The following CDH22 variants were observed in gnomAD, a reference collection of about 807,000 sequenced individuals.
The protein encoded by CDH22 is cadherin-22.
A neutral mutation model predicts 58.4 loss-of-function variants in CDH22; 30 were observed. That is an observed-to-expected ratio of 0.51 (90% CI 0.38 to 0.70). The LOEUF (loss-of-function observed/expected upper bound fraction) is 0.70. Ranked by LOEUF, CDH22 falls within the 30% of genes least tolerant of loss-of-function variation. The probability of loss-of-function intolerance (pLI) is 0.00; values close to 1 mark genes in which losing one functional copy is unlikely to be tolerated. For synonymous variants in CDH22, 513 were observed against 558.2 expected (o/e 0.92, Z 1.14); for missense variants, 1,014 against 1,233.9 (o/e 0.82, Z 2.67).
intron 1 of CDH22, among the ~76,000 whole-genome samples, chr20:46,268,032 C>G (rs1600722146): frequency 6.6e-6 from 1 of 152,270 alleles, no homozygotes; most frequent in East Asian, 1.9e-4. Context: ...GGGGCCAGGC[C>G]TTTGAATCCA....
intron 1 of CDH22, among the ~76,000 whole-genome samples, chr20:46,265,305 T>C (rs1238468133): frequency 6.6e-6 from 1 of 152,140 alleles, no homozygotes; most frequent in Admixed American, 6.5e-5. Flanking sequence ...CTTGCTCTTT[T>C]CCCCTCTTCC....
chr20:46,198,028 T>G (rs564143461), intron 8 of CDH22, among the ~76,000 whole-genome samples: 135 of 152,220 alleles, frequency 8.9e-4, no homozygotes, highest in African/African-American at 3.1e-3. Context: ...ATATTCCTGT[T>G]GTCATGATTG....
At chr20:46,229,261 C>G (rs2086202015) in intron 3 of CDH22, among the ~76,000 whole-genome samples, 1 of 151,454 alleles carries the variant, frequency 6.6e-6, no homozygotes, top group African/African-American at 2.4e-5. Flanking sequence ...CATCTCTAAT[C>G]CTCATAGCAT....
rs138785144 is a variant in CDH22 at position 46,190,964 on chromosome 20, G to A, written c.1424-4017C>T. ...AGTTTCTTCTGTATAATGGACAGGGGATTGGACTGGACAATCTGGAACTGA... is the reference window on the plus strand; with the variant it reads ...AGTTTCTTCTGTATAATGGACAGGGAATTGGACTGGACAATCTGGAACTGA... On this transcript the variant is annotated intron_variant, in intron 8 of 11. Transcript: ENST00000537909. Among the ~76,000 whole-genome samples the A allele has an allele frequency of 2.6e-4, 40 of 152,306 alleles. 1 individual carries two copies. The East Asian group carries it at 7.3e-3, about 28-fold the overall frequency.
intron 1 of CDH22, among the ~76,000 whole-genome samples, chr20:46,305,213 T>A (rs2086669392): frequency 6.6e-6 from 1 of 152,250 alleles, no homozygotes; most frequent in Non-Finnish European, 1.5e-5. Context: ...GACAGTCCTA[T>A]CATGCCCACT....
At chr20:46,304,956 A>T (rs2086667765) in intron 1 of CDH22, among the ~76,000 whole-genome samples, 1 of 152,160 alleles carries the variant, frequency 6.6e-6, no homozygotes, top group South Asian at 2.1e-4. Flanking sequence ...CCTGACTTGG[A>T]GAGTGGAGCT....
chr20:46,184,552 T>A (rs1179867957), intron 10 of CDH22, among the ~76,000 whole-genome samples: 2 of 152,192 alleles, frequency 1.3e-5, no homozygotes, highest in Non-Finnish European at 2.9e-5. Context: ...CCCAACATAC[T>A]TTTTTATTTG....
chr20:46,218,709 A>T (rs962456264), intron 4 of CDH22, among the ~76,000 whole-genome samples: 1 of 152,142 alleles, frequency 6.6e-6, no homozygotes, highest in African/African-American at 2.4e-5. Context: ...CACGGAGCAG[A>T]CAGTCCTCCA....
At chr20:46,234,011 T>C (rs1028010712) in intron 3 of CDH22, among the ~76,000 whole-genome samples, 4 of 152,222 alleles carry the variant, frequency 2.6e-5, no homozygotes, top group Non-Finnish European at 5.9e-5. Flanking sequence ...AGCCTGCTGC[T>C]GCCCTCTCCA....
chr20:46,284,794 C>T (rs921605868), intron 1 of CDH22, among the ~76,000 whole-genome samples: 1 of 152,156 alleles, frequency 6.6e-6, no homozygotes, highest in Non-Finnish European at 1.5e-5. Flanking sequence ...TAAGGAGTCC[C>T]AGTGGGAAGG....
intron 3 of CDH22, among the ~76,000 whole-genome samples, chr20:46,236,294 G>A (rs958417142): frequency 6.6e-6 from 1 of 151,612 alleles, no homozygotes; most frequent in Non-Finnish European, 1.5e-5. Context: ...GCACCAAAGA[G>A]TTTGAAAACC....
At chr20:46,279,237 C>T (rs1308259370) in intron 1 of CDH22, among the ~76,000 whole-genome samples, 1 of 152,192 alleles carries the variant, frequency 6.6e-6, no homozygotes, top group Non-Finnish European at 1.5e-5. Flanking sequence ...TAATAAGCCC[C>T]ACCCTGGTCC....
intron 2 of CDH22, among the ~76,000 whole-genome samples, chr20:46,246,082 T>A (rs1600714794): frequency 6.6e-6 from 1 of 152,248 alleles, no homozygotes; most frequent in East Asian, 1.9e-4. Flanking sequence ...GGCTGAAAAA[T>A]GGGATTTATG....
intron 10 of CDH22, 145 bp from the exon 11 acceptor site, chr20:46,178,342 T>A (rs559928094): frequency 7.0e-6 from 6 of 859,910 alleles, no homozygotes; most frequent in Non-Finnish European, 1.0e-5. Context: ...TCTTCTCTGA[T>A]CTCCCAAAAT....
intron 1 of CDH22, among the ~76,000 whole-genome samples, chr20:46,294,578 G>C (rs530668832): frequency 6.6e-6 from 1 of 152,148 alleles, no homozygotes; most frequent in Admixed American, 6.6e-5. Flanking sequence ...TGACAACCCC[G>C]GGAAATGGCT....
intron 1 of CDH22, among the ~76,000 whole-genome samples, chr20:46,296,097 G>C (rs2086627724): frequency 6.6e-6 from 1 of 152,148 alleles, no homozygotes; most frequent in African/African-American, 2.4e-5. Context: ...GAGCCTCCCA[G>C]GTGCTTGTCC....
Position 46,178,025 on chromosome 20 carries a change from G to A in CDH22, c.1836C>T (p.Asn612=), listed in dbSNP as rs2085753373. Residue 612 remains asparagine, a synonymous_variant, in exon 11 of 12, where the codon AAC becomes AAT. Transcript: ENST00000537909. The part of the protein sequence containing the change: ...CDSSGTIQSC[N]TTAFVMAASL... ...AGGCGGCCATGACAAAGGCCGTGGT[G>A]TTGCAGGACTGGATGGTGCCGGAGC... 3 of 1,614,006 alleles carry A rather than the reference G, an allele frequency of 1.9e-6. No individual in the cohort carries two copies. The highest frequency in any genetic ancestry group is 1.1e-5 in the South Asian group (1 of 91,090).
Position 46,216,882 on chromosome 20 carries a change from G to C in CDH22, c.782C>G (p.Thr261Ser). The C allele has an allele frequency of 3.7e-6, 6 of 1,610,800 alleles. No individual in the cohort carries two copies. Among genetic ancestry groups the C allele is most frequent in the Non-Finnish European group, 5.1e-6 (6 of 1,177,378 alleles). The change falls in exon 5 of 12, where the codon ACT (threonine) becomes AGT (serine). Residue 261 changes from threonine (T) to serine (S), a missense_variant. Thr to Ser is a moderately conservative substitution (Grantham distance 58, BLOSUM62 1). Coordinates refer to ENST00000537909, the MANE Select transcript of CDH22 (RefSeq NM_021248.3). This position sits in a 1 kb window ranked among gnomAD's most constrained non-coding sequence, Gnocchi z 5.3. The part of the protein sequence containing the change: ...AGQLGGLSGS[T>S]TVTIVVTDVN... ...GTCGGTGACTACGATGGTGACGGTA[G>C]TGGAGCCCGAGAGGCCACCCAGCTG...
intron 11 of CDH22, among the ~76,000 whole-genome samples, chr20:46,176,312 C>T (rs1224706761): frequency 1.3e-5 from 2 of 152,220 alleles, no homozygotes; most frequent in African/African-American, 4.8e-5. Context: ...CAATTTCCTA[C>T]TCAACACGCC....
Sources: gnomAD v4.1 joint callset for allele counts (sites outside exome capture counted in the v4.1 genomes callset) on GRCh38, gnomAD v4.1.1 for gene constraint, Gnocchi (gnomAD v3.1) non-coding constraint, MANE v1.5 for transcripts, NCBI Gene and HGNC (gene_info 2026-07-23, HGNC 2026-07-21) for gene names.